The following FARP2 variants were observed in gnomAD, a reference collection of about 807,000 sequenced individuals.
The protein encoded by FARP2 is FERM, ARHGEF and pleckstrin domain-containing protein 2.
A neutral mutation model predicts 130.5 loss-of-function variants in FARP2; 111 were observed. That is an observed-to-expected ratio of 0.85 (90% CI 0.73 to 1.00). FARP2 has a LOEUF of 1.00. Ranked by LOEUF, FARP2 falls within the 50% of genes least tolerant of loss-of-function variation. The probability of loss-of-function intolerance (pLI) is 0.00; values close to 1 mark genes in which losing one functional copy is unlikely to be tolerated. For synonymous variants in FARP2, 504 were observed against 516.9 expected (o/e 0.98, Z 0.34); for missense variants, 1,385 against 1,346.3 (o/e 1.03, Z -0.45).
chr2:241,364,805 TCA>T (rs988343811), intron 1 of FARP2, among the ~76,000 whole-genome samples: 2 of 152,264 alleles, frequency 1.3e-5, no homozygotes, highest in Non-Finnish European at 2.9e-5. Flanking sequence ...AACTATTCCT[TCA>T]CAGTCATTTT....
At chr2:241,474,665 A>C (rs1276575376) in intron 18 of FARP2, among the ~76,000 whole-genome samples, 2 of 150,896 alleles carry the variant, frequency 1.3e-5, no homozygotes, top group Non-Finnish European at 3.0e-5. Flanking sequence ...TGTGGCGGGC[A>C]TCTGTAGTCC....
chr2:241,481,983 C>CA (rs1233483142), intron 19 of FARP2, among the ~76,000 whole-genome samples: 2 of 152,204 alleles, frequency 1.3e-5, no homozygotes, highest in African/African-American at 4.8e-5. Context: ...TATTATTAGT[C>CA]AAAATCTCTA....
Position 241,417,588 on chromosome 2 carries a change from G to T in FARP2, c.624-374G>T, listed in dbSNP as rs559829283. ...TCCACCCGCCTCTGCCTCCCAAGGT[G>T]CTGGGATTACAGGCGTCAGCCACTG... On this transcript the variant is annotated intron_variant, in intron 7 of 26. Coordinates refer to ENST00000264042, the MANE Select transcript of FARP2 (RefSeq NM_014808.4). Among the ~76,000 whole-genome samples, 90 of 152,272 alleles carry T rather than the reference G, an allele frequency of 5.9e-4. 2 individuals are homozygous for T. The South Asian group carries it at 0.018, about 31-fold the overall frequency.
At chr2:241,407,675 TC>T in intron 5 of FARP2, 60 bp downstream of exon 5, 1 of 1,259,228 alleles carries the variant, frequency 7.9e-7, no homozygotes, top group Non-Finnish European at 1.2e-6. Context: ...ACCTGTTATC[TC>T]CCACAGCACC....
In FARP2 at chr2:241,431,761, A is replaced by T; in HGVS notation, c.854A>T (p.His285Leu). The change falls in exon 9 of 27, where the codon CAT (histidine) becomes CTT (leucine). Residue 285 changes from histidine to leucine, a missense_variant. Coordinates refer to ENST00000264042, the MANE Select transcript of FARP2 (RefSeq NM_014808.4). ...AGGAAAAGATTTCTTATCAAACTTC[A>T]TCCAGAGGTTCATGTAAGTATTATT... Reference protein sequence around the residue: ...FKRKRFLIKLHPEVHGPYQDT... With the variant: ...FKRKRFLIKLLPEVHGPYQDT... 1 of 1,474,172 alleles carries T rather than the reference A, an allele frequency of 6.8e-7. No individual in the cohort carries two copies. The highest frequency in any genetic ancestry group is 9.4e-7 in the Non-Finnish European group (1 of 1,059,208). The allele number at this position is 1,474,172 out of a possible 1,614,324, so 91.3% of individuals were successfully genotyped here.
chr2:241,417,941 T>G (rs2062717667), intron 7 of FARP2, 21 bp from the exon 8 acceptor site: 3 of 1,613,900 alleles, frequency 1.9e-6, no homozygotes, highest in Non-Finnish European at 2.5e-6. Flanking sequence ...TAGTGTATGA[T>G]TCTACCATTT....
At chr2:241,428,565 C>CTTA (rs2063015091) in intron 8 of FARP2, among the ~76,000 whole-genome samples, 1 of 150,006 alleles carries the variant, frequency 6.7e-6, no homozygotes, top group Non-Finnish European at 1.5e-5. Context: ...AACTAGGAAG[C>CTTA]TTAAGTCCTC....
chr2:241,436,539 G>A lies in FARP2; in HGVS notation c.1158+1G>A. 1.2e-6 allele frequency: 2 copies of A among 1,613,964 alleles called. No individual in the cohort carries two copies. Among genetic ancestry groups the A allele is most frequent in the Non-Finnish European group, 1.7e-6 (2 of 1,179,810 alleles). On this transcript the variant is annotated splice_donor_variant, in intron 12 of 26. Transcript: ENST00000264042. LOFTEE classifies it high-confidence loss of function. ...TCTGACTGCAGACCTACCAAAACAG[G>A]TTAGTCTCTTCCGGTTCAACATGGG...
rs959716632 is a variant in FARP2, at chr2:241,356,331, CGACTGCGGAGGCCGGGCGAGGCCGGT to C, written c.-79_-54del. On this transcript the variant is annotated 5_prime_UTR_variant, in exon 1 of 27. Transcript: ENST00000264042. ...ACGCGAGTCTGGCGGCTGCTGCTTGCGACTGCGGAGGCCGGGCGAGGCCGGTGAGGACGCGGCGGGCGAGCGAGAGG... is the reference window on the plus strand; with the variant it reads ...ACGCGAGTCTGGCGGCTGCTGCTTGCGAGGACGCGGCGGGCGAGCGAGAGG... 3 of 152,330 alleles carry C rather than the reference CGACTGCGGAGGCCGGGCGAGGCCGGT, an allele frequency of 2.0e-5. No individual in the cohort carries two copies. Among genetic ancestry groups the C allele is most frequent in the African/African-American group, 7.2e-5 (3 of 41,420 alleles). The allele number at this position is 152,330 out of a possible 1,614,324, so 9.4% of individuals were successfully genotyped here.
At chr2:241,470,906 G>T (rs1035749973) in intron 18 of FARP2, among the ~76,000 whole-genome samples, 10 of 151,678 alleles carry the variant, frequency 6.6e-5, no homozygotes, top group Non-Finnish European at 1.0e-4. Flanking sequence ...CTTGTTTTGA[G>T]GAGACCCTAT....
chr2:241,360,527 A>G (rs2061163061), intron 1 of FARP2, among the ~76,000 whole-genome samples: 1 of 151,986 alleles, frequency 6.6e-6, no homozygotes, highest in Non-Finnish European at 1.5e-5. Flanking sequence ...ACAAAAAATG[A>G]GCCAAGTGTG....
intron 19 of FARP2, among the ~76,000 whole-genome samples, chr2:241,481,056 C>CA (rs34996407): frequency 0.011 from 1,169 of 104,884 alleles, 6 homozygotes; most frequent in African/African-American, 0.028. Context: ...TTGTCTCTAC[C>CA]AAAAAAAAAA....
chr2:241,393,660 C>A (rs78711420), intron 2 of FARP2, among the ~76,000 whole-genome samples: 1 of 152,066 alleles, frequency 6.6e-6, no homozygotes, highest in Non-Finnish European at 1.5e-5. Context: ...TAAATGAGCA[C>A]ATGAAACAAG....
intron 12 of FARP2, among the ~76,000 whole-genome samples, chr2:241,437,464 C>G (rs2063261410): frequency 6.6e-6 from 1 of 151,948 alleles, no homozygotes; most frequent in African/African-American, 2.4e-5. Context: ...TTGAATCTTG[C>G]ATGTTTTGTT....
intron 2 of FARP2, chr2:241,395,863 G>A (rs1009195277): frequency 6.6e-6 from 1 of 152,140 alleles, no homozygotes; most frequent in African/African-American, 2.4e-5. Context: ...CTGGGATTCT[G>A]TCCTCAGGGA....
chr2:241,383,334 C>G (rs946252722), intron 2 of FARP2, among the ~76,000 whole-genome samples: 5 of 152,220 alleles, frequency 3.3e-5, no homozygotes, highest in Non-Finnish European at 7.3e-5. Context: ...GAGCTGCGCT[C>G]AGATGGAGAT....
chr2:241,473,479 G>A (rs560401685), intron 18 of FARP2, among the ~76,000 whole-genome samples: 6 of 152,302 alleles, frequency 3.9e-5, no homozygotes, highest in African/African-American at 1.4e-4. Context: ...TGTCAAGGCA[G>A]GTCAGGTGAT....
chr2:241,378,470 G>A (rs1417716086), intron 2 of FARP2, among the ~76,000 whole-genome samples: 1 of 141,470 alleles, frequency 7.1e-6, no homozygotes, highest in African/African-American at 2.7e-5. Flanking sequence ...GGAGTGCAGT[G>A]GCATAGTCAA....
chr2:241,363,444 G>A lies in FARP2; in HGVS notation c.-25+7056G>A, dbSNP rs75963130. On this transcript the variant is annotated intron_variant, in intron 1 of 26. Coordinates refer to ENST00000264042, the MANE Select transcript of FARP2 (RefSeq NM_014808.4). ...TAATTAAAGCCGTAGGTTTCTGGTT[G>A]GAGTCTGAAAAGGGGAGCCCAGGTC... is the stretch of plus-strand genomic sequence containing the variant. Among the ~76,000 whole-genome samples the A allele has an allele frequency of 3.3e-3, 498 of 152,336 alleles. 7 individuals carry two copies. The highest frequency in any genetic ancestry group is 0.021 in the East Asian group (111 of 5,180).
Sources: allele counts gnomAD v4.1 joint callset (sites outside exome capture counted in the v4.1 genomes callset), GRCh38; gene constraint gnomAD v4.1.1; transcripts MANE v1.5; gene names NCBI Gene and HGNC (gene_info 2026-07-23, HGNC 2026-07-21).